The following PCDH15 variants were observed in gnomAD, a reference collection of about 807,000 sequenced individuals.
PCDH15 encodes protocadherin related 15, also known as protocadherin-15.
Under a neutral mutation model 178.5 loss-of-function variants are expected in PCDH15, and 129 were observed. The ratio of observed to expected loss-of-function variants is 0.72; its 90% CI spans 0.63 to 0.84. The LOEUF is 0.84. Ranked by LOEUF, PCDH15 falls within the 40% of genes least tolerant of loss-of-function variation. PCDH15 has a pLI of 0.00. For synonymous variants in PCDH15, 800 were observed against 732.0 expected (o/e 1.09, Z -1.50); for missense variants, 2,230 against 2,099.9 (o/e 1.06, Z -1.21).
intron 4 of PCDH15, among the ~76,000 whole-genome samples, chr10:54,378,494 T>C (rs373063099): frequency 6.6e-6 from 1 of 152,160 alleles, no homozygotes. Context: ...GCCATGCTTG[T>C]CCTACTTTGC....
intron 2 of PCDH15, among the ~76,000 whole-genome samples, chr10:55,334,238 ATATATGTGTGTG>A: frequency 1.0e-5 from 1 of 97,324 alleles, no homozygotes; most frequent in South Asian, 3.5e-4. Context: ...ATATATATAT[ATATATGTGTGTG>A]TGTGTGTGTG....
In PCDH15 at chr10:55,153,725, G is replaced by C. The variant is rs551332999; in HGVS notation, c.-80+12851C>G. Among the ~76,000 whole-genome samples the C allele has an allele frequency of 2.0e-5, 3 of 152,242 alleles. No homozygotes were observed. In the South Asian group the frequency reaches 6.2e-4, roughly 32 times the overall value. On this transcript the variant is annotated intron_variant, in intron 2 of 5. Transcript: ENST00000458638. ...TTGTCTTCCACAAAACCAGTTTCATGTAGTGAAAAGAACATGGGTATCACC... is the reference window on the plus strand; with the variant it reads ...TTGTCTTCCACAAAACCAGTTTCATCTAGTGAAAAGAACATGGGTATCACC...
In PCDH15 at chr10:55,605,500, A is replaced by C. The variant is rs1445740030; in HGVS notation, c.-156+22125T>G. Among the ~76,000 whole-genome samples, 13 of 151,026 alleles carry C rather than the reference A, an allele frequency of 8.6e-5. No homozygotes were observed. In the East Asian group the frequency reaches 2.2e-3, roughly 25 times the overall value. ...AACATTGATGCAAAAATCCTCAATA[A>C]AATACTGGCAAACCAAATCCAGCAG... On this transcript the variant is annotated intron_variant, in intron 2 of 5. Transcript: ENST00000613346.
At chr10:53,925,218 C>T (rs765128293) in intron 25 of PCDH15, among the ~76,000 whole-genome samples, 3 of 152,090 alleles carry the variant, frequency 2.0e-5, no homozygotes, top group South Asian at 2.1e-4. Context: ...ACACTCACCG[C>T]GAAGGTCTGC....
chr10:55,095,650 G>T (rs1193433193), intron 2 of PCDH15, among the ~76,000 whole-genome samples: 1 of 151,986 alleles, frequency 6.6e-6, no homozygotes, highest in Non-Finnish European at 1.5e-5. Flanking sequence ...TTATGAATTT[G>T]CAAAAGATTA....
At chr10:55,189,801 T>C (rs1462232591) in intron 1 of PCDH15, among the ~76,000 whole-genome samples, 1 of 151,874 alleles carries the variant, frequency 6.6e-6, no homozygotes, top group Non-Finnish European at 1.5e-5. Flanking sequence ...AATGGAGTTC[T>C]TATACATTAA....
chr10:55,060,453 C>A (rs1298562405), intron 2 of PCDH15, among the ~76,000 whole-genome samples: 1 of 151,912 alleles, frequency 6.6e-6, no homozygotes, highest in Admixed American at 6.6e-5. Flanking sequence ...GAAAGGAAAA[C>A]ACAAACATGT....
chr10:54,197,331 A>G (rs1349860610), intron 10 of PCDH15, among the ~76,000 whole-genome samples: 1 of 151,934 alleles, frequency 6.6e-6, no homozygotes, highest in South Asian at 2.1e-4. Flanking sequence ...AAAAATATAT[A>G]TTTTATTATA....
intron 2 of PCDH15, among the ~76,000 whole-genome samples, chr10:55,505,309 A>G (rs1184261072): frequency 2.0e-5 from 3 of 151,380 alleles, no homozygotes; most frequent in African/African-American, 7.3e-5. Flanking sequence ...ATGATCTTAG[A>G]TATTTATTAT....
At chr10:54,737,338 G>A (rs1378500978) in intron 1 of PCDH15, among the ~76,000 whole-genome samples, 1 of 152,042 alleles carries the variant, frequency 6.6e-6, no homozygotes, top group Non-Finnish European at 1.5e-5. Context: ...GTTCATCTTT[G>A]AATCACCCAC....
chr10:55,021,331 C>G (rs1033025923), intron 2 of PCDH15, among the ~76,000 whole-genome samples: 2 of 152,162 alleles, frequency 1.3e-5, no homozygotes, highest in African/African-American at 4.8e-5. Context: ...AAAATGACTT[C>G]CCTCTTTAGC....
intron 8 of PCDH15, among the ~76,000 whole-genome samples, chr10:54,238,800 A>T (rs1431116060): frequency 1.3e-5 from 2 of 151,868 alleles, no homozygotes; most frequent in Non-Finnish European, 2.9e-5. Context: ...TGAAATATGT[A>T]TGTTTGAGCA....
rs200088563 is a variant in PCDH15 at position 54,518,352 on chromosome 10, A to G, written c.157+9460T>C. Among the ~76,000 whole-genome samples, 488 of 149,246 alleles carry G rather than the reference A, an allele frequency of 3.3e-3. 2 individuals are homozygous for G. Among genetic ancestry groups the G allele is most frequent in the African/African-American group, 0.011 (451 of 40,844 alleles). On this transcript the variant is annotated intron_variant, in intron 3 of 37. Coordinates refer to ENST00000644397, the MANE Select transcript of PCDH15 (RefSeq NM_001384140.1). ...AGAAAAAAAGAGAGAAGAATCAAAT[A>G]GACGCAATAAAAATGATAAAGGGGA...
chr10:54,592,969 T>TA (rs1418908124), intron 2 of PCDH15, among the ~76,000 whole-genome samples: 1 of 152,224 alleles, frequency 6.6e-6, no homozygotes, highest in Non-Finnish European at 1.5e-5. Flanking sequence ...CCTATTGACC[T>TA]GTCGTCTTTC....
intron 17 of PCDH15, among the ~76,000 whole-genome samples, chr10:54,078,590 GAA>G (rs138583277): frequency 6.9e-6 from 1 of 144,474 alleles, no homozygotes; most frequent in Non-Finnish European, 1.5e-5. Context: ...GCACCTGATT[GAA>G]AAAAAAAAGA....
intron 2 of PCDH15, among the ~76,000 whole-genome samples, chr10:54,918,684 C>A (rs961578907): frequency 4.6e-5 from 7 of 151,930 alleles, no homozygotes; most frequent in African/African-American, 1.7e-4. Context: ...CCTTATATCC[C>A]AATATTACTC....
At chr10:54,392,668 G>A (rs1265461580) in intron 3 of PCDH15, among the ~76,000 whole-genome samples, 1 of 151,758 alleles carries the variant, frequency 6.6e-6, no homozygotes, top group African/African-American at 2.4e-5. Flanking sequence ...GGAGGCTGAG[G>A]TGGGAGGATC....
chr10:54,756,096 C>CACACACACACACACACAAAA (rs1469590473), intron 1 of PCDH15, among the ~76,000 whole-genome samples: 2 of 146,520 alleles, frequency 1.4e-5, no homozygotes, highest in African/African-American at 5.1e-5. Context: ...CACACACACA[C>CACACACACACACACACAAAA]AAAATTAGCT....
chr10:54,067,828 T>TAAA (rs1325519306), intron 17 of PCDH15, among the ~76,000 whole-genome samples: 1 of 152,148 alleles, frequency 6.6e-6, no homozygotes, highest in East Asian at 1.9e-4. Flanking sequence ...ACCTTTTGTT[T>TAAA]AAAAAAATGC....
Sources: allele counts gnomAD v4.1 joint callset (sites outside exome capture counted in the v4.1 genomes callset), GRCh38; gene constraint gnomAD v4.1.1; transcripts MANE v1.5; gene names NCBI Gene and HGNC (gene_info 2026-07-23, HGNC 2026-07-21).